HSH2D: variants seen among roughly 807,000 people sequenced by gnomAD.
HSH2D encodes the protein hematopoietic SH2 domain-containing protein.
Under a neutral mutation model 21.5 loss-of-function variants are expected in HSH2D, and 16 were observed. The ratio of observed to expected loss-of-function variants is 0.74; its 90% CI spans 0.50 to 1.13. HSH2D has a LOEUF of 1.13. Ranked by LOEUF, HSH2D falls within the 50% of genes most tolerant of loss-of-function variation. The pLI is 0.00. For missense variants in HSH2D, 418 were observed against 441.4 expected, an observed-to-expected ratio of 0.95 and a Z score of 0.47; for synonymous variants, 172 against 184.7, an observed-to-expected ratio of 0.93 and a Z score of 0.56.
intron 5 of HSH2D, among the ~76,000 whole-genome samples, chr19:16,156,488 A>G (rs973845161): frequency 3.3e-5 from 5 of 152,146 alleles, no homozygotes; most frequent in Non-Finnish European, 5.9e-5. Flanking sequence ...CTGGCCCCAC[A>G]TTTTTGTAAA....
At chr19:16,151,152 C>T (rs1009541569) in intron 2 of HSH2D, among the ~76,000 whole-genome samples, 3 of 151,836 alleles carry the variant, frequency 2.0e-5, no homozygotes, top group East Asian at 1.9e-4. Flanking sequence ...GGTGAAACCC[C>T]GTCTCTACTA....
chr19:16,153,154 C>G lies in HSH2D; in HGVS notation c.327C>G (p.His109Gln). 2 of 1,579,134 alleles carry G rather than the reference C, an allele frequency of 1.3e-6. No individual in the cohort carries two copies. Among genetic ancestry groups the G allele is most frequent in the Non-Finnish European group, 1.7e-6 (2 of 1,163,676 alleles). Reference protein sequence around the residue: ...HTSLDALVTFHQQKPIEPRRE... With the variant: ...HTSLDALVTFQQQKPIEPRRE... ...CGCTGGACGCCCTGGTCACCTTCCA[C>G]CAGCAGAAGCCAATTGAGCCGCGCA... The change falls in exon 4 of 6, where the codon CAC (histidine) becomes CAG (glutamine). Residue 109 changes from histidine (H) to glutamine (Q), a missense_variant. His to Gln is a conservative substitution (Grantham distance 24). Coordinates refer to ENST00000613986, the MANE Select transcript of HSH2D (RefSeq NM_001382417.1).
chr19:16,145,680 C>G (rs74472255), intron 1 of HSH2D, among the ~76,000 whole-genome samples: 9 of 152,130 alleles, frequency 5.9e-5, no homozygotes, highest in African/African-American at 2.2e-4. Context: ...CAACAGACCC[C>G]GCCTCCTCAT....
At chr19:16,141,689 T>C (rs2145015633), upstream of HSH2D, among the ~76,000 whole-genome samples, 1 of 152,230 alleles carries the variant, frequency 6.6e-6, no homozygotes, top group East Asian at 1.9e-4. Context: ...TTTGGGAGGC[T>C]GAGGCGGGTG....
upstream of HSH2D, among the ~76,000 whole-genome samples, chr19:16,139,149 C>T (rs562710473): frequency 3.3e-5 from 5 of 152,370 alleles, no homozygotes; most frequent in Middle Eastern, 3.4e-3. Flanking sequence ...TAAGCCACAG[C>T]ACCCGGCCCG....
chr19:16,150,698 A>T lies in HSH2D; in HGVS notation c.125+1823A>T, dbSNP rs527987070. Among the ~76,000 whole-genome samples the T allele has an allele frequency of 1.5e-4, 5 of 32,426 alleles. No individual in the cohort carries two copies. The East Asian group carries it at 0.013, about 84-fold the overall frequency. The allele number at this position is 32,426 out of a possible 152,430, so 21.3% of individuals were successfully genotyped here. On this transcript the variant is annotated intron_variant, in intron 2 of 5. Coordinates refer to ENST00000613986, the MANE Select transcript of HSH2D (RefSeq NM_001382417.1). ...AAGATTCCAGCTCAAAAAAAAAAAA[A>T]AATTAAAAAAATTAGCCAGGCGTGT...
intron 1 of HSH2D, 86 bp from the exon 2 acceptor site, chr19:16,148,638 G>A (rs1319094508): frequency 1.5e-6 from 2 of 1,367,086 alleles, no homozygotes; most frequent in African/African-American, 2.9e-5. Context: ...CTTCTCAAAG[G>A]AGGAGGCACC....
At position 16,153,136 on chromosome 19, in the gene HSH2D, C is replaced by T. The variant is rs1870354; in HGVS notation, c.309C>T (p.Asp103=). The part of the protein sequence containing the change: ...PGEKVAHTSL[D]ALVTFHQQKP... ...AGAAGGTGGCCCACACCTCGCTGGACGCCCTGGTCACCTTCCACCAGCAGA... is the reference window on the plus strand; with the variant it reads ...AGAAGGTGGCCCACACCTCGCTGGATGCCCTGGTCACCTTCCACCAGCAGA... Residue 103 remains aspartate (D), a synonymous_variant, in exon 4 of 6, where the codon GAC becomes GAT. Coordinates refer to ENST00000613986, the MANE Select transcript of HSH2D (RefSeq NM_001382417.1). 5,661 of 1,591,756 alleles carry T rather than the reference C, an allele frequency of 3.6e-3. 165 individuals carry two copies. The African/African-American group carries it at 0.064, about 18-fold the overall frequency.
In HSH2D at chr19:16,154,466, C is replaced by G; in HGVS notation, c.449C>G (p.Ala150Gly). ...TCCAACGCAGTGGCCGAGGAAGCTG[C>G]CTGCCCGGTGTCTGCCCCTGAGGAG... ...LYSNAVAEEA[A>G]CPVSAPEEAS... The change falls in exon 5 of 6, where the codon GCC becomes GGC. Residue 150 changes from alanine (A) to glycine (G), a missense_variant. Ala to Gly is a moderately conservative substitution (Grantham distance 60). Transcript: ENST00000613986. 6.4e-7 allele frequency: 1 copy of G among 1,552,514 alleles called. No homozygotes were observed. The highest frequency in any genetic ancestry group is 8.7e-7 in the Non-Finnish European group (1 of 1,147,508).
chr19:16,147,844 C>T (rs2091094158), intron 1 of HSH2D, among the ~76,000 whole-genome samples: 1 of 152,074 alleles, frequency 6.6e-6, no homozygotes, highest in South Asian at 2.1e-4. Context: ...AGGGTTTCAC[C>T]ACGTGGCCCA....
At chr19:16,152,016 A>G (rs952290877) in intron 2 of HSH2D, among the ~76,000 whole-genome samples, 1 of 149,362 alleles carries the variant, frequency 6.7e-6, no homozygotes, top group Non-Finnish European at 1.5e-5. Flanking sequence ...CTGAGGCAAG[A>G]GAATCACCTG....
chr19:16,143,706 C>G lies in HSH2D; in HGVS notation c.-96C>G, dbSNP rs894431288. On this transcript the variant is annotated 5_prime_UTR_variant, in exon 1 of 6. In the 5' UTR this introduces an upstream ATG that the reference lacks. Transcript: ENST00000613986. ...CCCCATTGACGTGCAGACCTTGAAT[C>G]GAAACCCAGGCTCCTGCAGGCACTG... 8 of 451,502 alleles carry G rather than the reference C, an allele frequency of 1.8e-5. No individual in the cohort carries two copies. Among genetic ancestry groups the G allele is most frequent in the African/African-American group, 1.6e-4 (8 of 49,800 alleles). The allele number at this position is 451,502 out of a possible 1,614,324, so 28.0% of individuals were successfully genotyped here.
At chr19:16,141,670 T>C (rs2091000973), upstream of HSH2D, among the ~76,000 whole-genome samples, 1 of 152,170 alleles carries the variant, frequency 6.6e-6, no homozygotes, top group African/African-American at 2.4e-5. Flanking sequence ...ACACCTGTAA[T>C]CCCAGCACTT....
At chr19:16,140,105 C>A (rs2090990203), upstream of HSH2D, among the ~76,000 whole-genome samples, 2 of 151,984 alleles carry the variant, frequency 1.3e-5, no homozygotes, top group African/African-American at 4.8e-5. Context: ...CAAATAAGAG[C>A]CCCGATGGTC....
At chr19:16,140,070 G>A (rs2090989908), upstream of HSH2D, among the ~76,000 whole-genome samples, 1 of 152,128 alleles carries the variant, frequency 6.6e-6, no homozygotes, top group Non-Finnish European at 1.5e-5. Context: ...GTACCCCCAT[G>A]TTCCTGGAAA....
intron 2 of HSH2D, chr19:16,151,624 T>C (rs1375609592): frequency 1.3e-5 from 6 of 455,706 alleles, no homozygotes; most frequent in Admixed American, 2.4e-5. Flanking sequence ...CAAAGGTGCC[T>C]TAATCGGGGG....
In HSH2D at chr19:16,153,196, G is replaced by C. The variant is rs763563060; in HGVS notation, c.369G>C (p.Gln123His). 131 of 1,544,396 alleles carry C rather than the reference G, an allele frequency of 8.5e-5. No individual in the cohort carries two copies. The highest frequency in any genetic ancestry group is 1.1e-4 in the Non-Finnish European group (124 of 1,146,174). Reference protein sequence around the residue: ...PIEPRRELLTQPCRQKDPANV... With the variant: ...PIEPRRELLTHPCRQKDPANV... ...AGCCGCGCAGGGAGCTGCTGACACA[G>C]CCCTGCAGGCAGGTGAGGGCGGGGA... Residue 123 changes from glutamine (Q) to histidine (H), a missense_variant, in exon 4 of 6, where the codon CAG (glutamine) becomes CAC (histidine). By Grantham distance (24) the Gln-to-His change is conservative (BLOSUM62 0). Coordinates refer to ENST00000613986, the MANE Select transcript of HSH2D (RefSeq NM_001382417.1).
chr19:16,149,752 T>C (rs1304421230), intron 2 of HSH2D, among the ~76,000 whole-genome samples: 3 of 151,426 alleles, frequency 2.0e-5, no homozygotes, highest in African/African-American at 7.3e-5. Context: ...GGCTAATATT[T>C]GTATTTTTAG....
chr19:16,149,107 G>A (rs1230310112), intron 2 of HSH2D, among the ~76,000 whole-genome samples: 1 of 152,122 alleles, frequency 6.6e-6, no homozygotes, highest in Non-Finnish European at 1.5e-5. Flanking sequence ...TATACAAGTG[G>A]CCAACAGACC....
Sources: allele counts gnomAD v4.1 joint callset (sites outside exome capture counted in the v4.1 genomes callset), GRCh38; gene constraint gnomAD v4.1.1; transcripts MANE v1.5; gene names NCBI Gene and HGNC (gene_info 2026-07-23, HGNC 2026-07-21).